The following PRH1 variants were observed in gnomAD, a reference collection of about 807,000 sequenced individuals.
PRH1 encodes the protein proline rich protein HaeIII subfamily 1, also known as salivary acidic proline-rich phosphoprotein 1/2.
PRH1 carries 7 observed loss-of-function variants against 7.9 expected under a neutral mutation model. The observed-to-expected ratio is 0.89, with a 90% CI of 0.50 to 1.67. PRH1 has a LOEUF of 1.67. Among genes scored for constraint, PRH1 ranks in the 40% most tolerant of loss-of-function variants. PRH1 has a pLI of 0.00. For missense variants in PRH1, 109 were observed against 223.6 expected (o/e 0.49, Z 3.27); for synonymous variants, 45 against 80.8 (o/e 0.56, Z 2.38).
rs537838096 is a variant in PRH1 at position 11,071,270 on chromosome 12, C to T, written n.124-24082G>A. 1.4e-3 allele frequency among the ~76,000 whole-genome samples: 216 copies of T among 151,672 alleles called. 2 individuals carry two copies. Among genetic ancestry groups the T allele is most frequent in the Middle Eastern group, 3.5e-3 (1 of 288 alleles). Reference sequence around the variant, plus strand: ...TAAGGACTTTCATCCAACAGGAGGGCATATGGAAAGCATACCTACTTGGCC... The same window carrying T: ...TAAGGACTTTCATCCAACAGGAGGGTATATGGAAAGCATACCTACTTGGCC... On this transcript the variant is annotated intron_variant and non_coding_transcript_variant, in intron 1 of 4. Transcript: ENST00000541977.
chr12:10,952,356 C>T (rs1322622221), intron 2 of PRH1, among the ~76,000 whole-genome samples: 2 of 152,176 alleles, frequency 1.3e-5, no homozygotes, highest in Non-Finnish European at 2.9e-5. Flanking sequence ...CGAGTCTTTA[C>T]GTGTGAAGAG....
In PRH1 at chr12:10,909,513, T is replaced by C. The variant is rs1046731178; in HGVS notation, c.-58-25238A>G. 1.7e-5 allele frequency: 8 copies of C among 484,516 alleles called. No individual in the cohort carries two copies. The Admixed American group carries it at 2.6e-4, about 16-fold the overall frequency. The allele number at this position is 484,516 out of a possible 1,614,324, so 30.0% of individuals were successfully genotyped here. Reference sequence around the variant, plus strand: ...TGGTGATATCTTTATTTTTCTTCAATTTCTCTGCTGAGCCCTAGCTAAGAT... The same window carrying C: ...TGGTGATATCTTTATTTTTCTTCAACTTCTCTGCTGAGCCCTAGCTAAGAT... On this transcript the variant is annotated intron_variant, in intron 2 of 3. Coordinates refer to the PRH1 transcript ENST00000539853.
At chr12:10,997,279 G>A (rs368323170) in intron 1 of PRH1, 17 of 1,613,984 alleles carry the variant, frequency 1.1e-5, no homozygotes, top group Middle Eastern at 3.3e-4. Context: ...ACAGAGAGTA[G>A]ATTAACAGCA....
chr12:11,023,798 TCCAATCACCAGAGCCATCCA>T (rs1417890474), intron 1 of PRH1, among the ~76,000 whole-genome samples: 1 of 152,196 alleles, frequency 6.6e-6, no homozygotes, highest in Non-Finnish European at 1.5e-5. Flanking sequence ...GTGGCCCATC[TCCAATCACCAGAGCCATCCA>T]CCAAACCTAG....
chr12:11,031,365 A>T, intron 1 of PRH1: 1 of 1,603,396 alleles, frequency 6.2e-7, no homozygotes, highest in Non-Finnish European at 8.5e-7. Context: ...AATTGTTTTA[A>T]TGCTGGTGTT....
intron 2 of PRH1, among the ~76,000 whole-genome samples, chr12:10,942,298 T>G (rs1950414230): frequency 6.6e-6 from 1 of 152,116 alleles, no homozygotes; most frequent in Admixed American, 6.5e-5. Flanking sequence ...GTTTATGCCC[T>G]TTGTGCTCAG....
chr12:11,075,996 T>A (rs73062934), intron 1 of PRH1, among the ~76,000 whole-genome samples: 3,240 of 46,244 alleles, frequency 0.07, 175 homozygotes, highest in Non-Finnish European at 0.12. Context: ...GTGATTACAT[T>A]GTACTAGGGA....
intron 1 of PRH1, among the ~76,000 whole-genome samples, chr12:11,044,094 C>A (rs977295382): frequency 6.6e-6 from 1 of 152,070 alleles, no homozygotes; most frequent in African/African-American, 2.4e-5. Flanking sequence ...TTAAGACAGA[C>A]ACATAGACCA....
At chr12:10,898,966 AG>A (rs1949686560) in intron 2 of PRH1, among the ~76,000 whole-genome samples, 1 of 152,236 alleles carries the variant, frequency 6.6e-6, no homozygotes, top group Non-Finnish European at 1.5e-5. Context: ...TGTGCCCAGA[AG>A]GCAGCACATA....
chr12:11,045,664 A>G (rs1225735723), intron 1 of PRH1, among the ~76,000 whole-genome samples: 1 of 152,162 alleles, frequency 6.6e-6, no homozygotes, highest in Non-Finnish European at 1.5e-5. Context: ...AAAATACCAA[A>G]AAATGTAAAA....
intron 2 of PRH1, among the ~76,000 whole-genome samples, chr12:10,943,111 C>A (rs534574628): frequency 6.6e-6 from 1 of 152,172 alleles, no homozygotes; most frequent in African/African-American, 2.4e-5. Flanking sequence ...TGGGTCCTCT[C>A]GCATTTCCTG....
intron 2 of PRH1, among the ~76,000 whole-genome samples, chr12:10,932,562 C>A (rs1278847454): frequency 6.6e-6 from 1 of 152,128 alleles, no homozygotes; most frequent in Admixed American, 6.5e-5. Flanking sequence ...GTCTAGTCAG[C>A]TTATGAATGT....
At chr12:10,949,494 T>C (rs1272184479) in intron 2 of PRH1, among the ~76,000 whole-genome samples, 1 of 152,230 alleles carries the variant, frequency 6.6e-6, no homozygotes, top group Non-Finnish European at 1.5e-5. Context: ...ATACCTTCTT[T>C]TAAAAATTAA....
At chr12:10,939,912 A>G (rs938959280) in intron 2 of PRH1, among the ~76,000 whole-genome samples, 1 of 152,190 alleles carries the variant, frequency 6.6e-6, no homozygotes, top group African/African-American at 2.4e-5. Context: ...TGAATACGTT[A>G]ATTAGTTTCA....
intron 1 of PRH1, among the ~76,000 whole-genome samples, chr12:11,106,950 A>AT (rs1296795229): frequency 6.6e-6 from 1 of 152,124 alleles, no homozygotes; most frequent in Non-Finnish European, 1.5e-5. Context: ...AGAATTATTA[A>AT]TTTTTTGTAT....
chr12:10,895,928 G>A (rs1403108711), intron 2 of PRH1: 4 of 152,272 alleles, frequency 2.6e-5, no homozygotes, highest in Non-Finnish European at 4.4e-5. Context: ...TTGGCTGATT[G>A]ATCCTAGCTG....
At chr12:10,918,280 TA>T (rs1211138867) in intron 2 of PRH1, among the ~76,000 whole-genome samples, 1 of 152,102 alleles carries the variant, frequency 6.6e-6, no homozygotes, top group Non-Finnish European at 1.5e-5. Context: ...GCTTAATATC[TA>T]GGTGATAGGT....
At chr12:11,018,588 T>C (rs897382512) in intron 1 of PRH1, among the ~76,000 whole-genome samples, 1 of 152,268 alleles carries the variant, frequency 6.6e-6, no homozygotes, top group Non-Finnish European at 1.5e-5. Flanking sequence ...AGGTCTGATA[T>C]AAAAATAGAG....
chr12:11,068,710 C>G (rs1164676657), intron 1 of PRH1, among the ~76,000 whole-genome samples: 1 of 152,148 alleles, frequency 6.6e-6, no homozygotes, highest in Non-Finnish European at 1.5e-5. Flanking sequence ...ACCATAATTC[C>G]ATCTGTATAT....
Sources: allele counts gnomAD v4.1 joint callset (sites outside exome capture counted in the v4.1 genomes callset), GRCh38; gene constraint gnomAD v4.1.1; transcripts MANE v1.5; gene names NCBI Gene and HGNC (gene_info 2026-07-23, HGNC 2026-07-21).